The following AP1G1 variants were observed in gnomAD, a reference collection of about 807,000 sequenced individuals.
The protein encoded by AP1G1 is AP-1 complex subunit gamma-1.
In AP1G1, 7 loss-of-function variants were observed where a neutral mutation model predicts 108.3. The observed-to-expected ratio is 0.06, with a 90% CI of 0.04 to 0.12. AP1G1 has a LOEUF of 0.12. AP1G1 is among the 10% of genes least tolerant of loss of function. AP1G1 has a pLI of 1.00. For missense variants in AP1G1, 756 were observed against 1,010.7 expected (o/e 0.75, Z 3.42); for synonymous variants, 379 against 353.5 (o/e 1.07, Z -0.81).
rs1567639488 is a variant in AP1G1, at chr16:71,737,979, ATACT to A, written c.2268+959_2268+962del. ...AATAAAGACCAGATAGCAGCCTAAA[ATACT>A]TACTGTCTCATCTTTTTAAGAAAAA... On this transcript the variant is annotated intron_variant, in intron 21 of 22. Coordinates refer to ENST00000299980, the MANE Select transcript of AP1G1 (RefSeq NM_001128.6). 6.6e-5 allele frequency among the ~76,000 whole-genome samples: 10 copies of A among 152,394 alleles called. No individual in the cohort carries two copies. The South Asian group carries it at 1.9e-3, about 28-fold the overall frequency.
chr16:71,749,481 T>TA (rs58512452), intron 15 of AP1G1, among the ~76,000 whole-genome samples: 2,133 of 145,946 alleles, frequency 0.015, 37 homozygotes, highest in African/African-American at 0.047. Flanking sequence ...GAGACTCTAT[T>TA]AAAAAAAAAA....
chr16:71,745,699 A>C, intron 17 of AP1G1, 85 bp from the exon 18 acceptor site: 1 of 1,148,442 alleles, frequency 8.7e-7, no homozygotes, highest in Non-Finnish European at 1.3e-6. Flanking sequence ...TGTTGAGCCC[A>C]AGCATGGAGA....
At chr16:71,769,783 A>G (rs2031498273) in intron 5 of AP1G1, 84 bp from the exon 6 acceptor site, 2 of 1,138,814 alleles carry the variant, frequency 1.8e-6, no homozygotes, top group African/African-American at 1.5e-5. Context: ...CTGAAGGTCA[A>G]TTCCAAAAGG....
At chr16:71,763,106 G>A (rs1310245099) in intron 9 of AP1G1, among the ~76,000 whole-genome samples, 1 of 152,182 alleles carries the variant, frequency 6.6e-6, no homozygotes, top group African/African-American at 2.4e-5. Context: ...GGACATGATG[G>A]CTCACATTAC....
chr16:71,760,655 CCACCTCAGCCTCCTGAGTAG>C (rs1440896569), intron 10 of AP1G1, among the ~76,000 whole-genome samples: 1 of 152,102 alleles, frequency 6.6e-6, no homozygotes, highest in Non-Finnish European at 1.5e-5. Context: ...GGTGATCCTC[CCACCTCAGCCTCCTGAGTAG>C]CTGGGACTAC....
chr16:71,749,619 C>G (rs1430153565), intron 15 of AP1G1, among the ~76,000 whole-genome samples: 1 of 152,042 alleles, frequency 6.6e-6, no homozygotes, highest in East Asian at 1.9e-4. Context: ...GGGTCTCACT[C>G]CTGAGTAGCT....
chr16:71,778,637 C>G (rs569300050), intron 2 of AP1G1, among the ~76,000 whole-genome samples: 1 of 147,574 alleles, frequency 6.8e-6, no homozygotes, highest in Admixed American at 6.9e-5. Context: ...GAGCTGAGAT[C>G]GCGCCACTGC....
intron 2 of AP1G1, among the ~76,000 whole-genome samples, chr16:71,782,249 C>T (rs1446236523): frequency 3.3e-5 from 5 of 152,124 alleles, no homozygotes; most frequent in South Asian, 2.1e-4. Context: ...CTGCAACCTC[C>T]GCCTCCCAGG....
At chr16:71,774,273 G>T (rs904408293) in intron 3 of AP1G1, 195 bp downstream of exon 3, 2 of 549,602 alleles carry the variant, frequency 3.6e-6, no homozygotes, top group South Asian at 5.2e-5. Context: ...AGCTACGCAG[G>T]AGGCTGAGGC....
intron 2 of AP1G1, among the ~76,000 whole-genome samples, chr16:71,786,746 A>T (rs2032217620): frequency 1.3e-5 from 2 of 152,014 alleles, no homozygotes; most frequent in African/African-American, 4.8e-5. Flanking sequence ...GGCGTGAGCC[A>T]CCGCACCCAG....
At chr16:71,734,505 C>T (rs992961770) in intron 22 of AP1G1, 104 bp downstream of exon 22, 77 of 926,756 alleles carry the variant, frequency 8.3e-5, no homozygotes, top group South Asian at 5.8e-4. Flanking sequence ...TTGATCTCTT[C>T]TCTAACTATG....
At chr16:71,758,720 T>A in intron 11 of AP1G1, 88 bp downstream of exon 11, 1 of 738,760 alleles carries the variant, frequency 1.4e-6, no homozygotes, top group South Asian at 1.7e-5. Context: ...GAAAACAAAG[T>A]ATCACATGGC....
intron 13 of AP1G1, chr16:71,753,529 T>C (rs1597047931): frequency 3.3e-6 from 1 of 306,106 alleles, no homozygotes; most frequent in East Asian, 7.3e-5. Flanking sequence ...TTCCTCACGA[T>C]CTCTGCATGG....
chr16:71,783,082 T>C (rs1567658854), intron 2 of AP1G1, among the ~76,000 whole-genome samples: 1 of 150,462 alleles, frequency 6.6e-6, no homozygotes, highest in East Asian at 1.9e-4. Context: ...AAGTACTTTA[T>C]TTTAAGAAAA....
chr16:71,769,676 G>A lies in AP1G1; in HGVS notation c.589C>T (p.Leu197Phe), dbSNP rs991441174. 6.2e-7 allele frequency: 1 copy of A among 1,613,370 alleles called. No individual in the cohort carries two copies. The highest frequency in any genetic ancestry group is 8.5e-7 in the Non-Finnish European group (1 of 1,179,626). The change falls in exon 6 of 23, where the codon CTC (leucine) becomes TTC (phenylalanine). Residue 197 changes from leucine (L) to phenylalanine (F), a missense_variant. Around this residue, in one of 3 missense-constraint regions of AP1G1, gnomAD observed 304 missense variants for 483.6 expected, o/e 0.63. Transcript: ENST00000299980. ...CTTCGCTCACACATTTCTGTGAGGA[G>A]GACTACAGATGTGTGGAGGACACCT... ...NHGVLHTSVV[L>F]LTEMCERSPD...
chr16:71,800,420 A>C (rs1026069804), intron 1 of AP1G1, among the ~76,000 whole-genome samples: 41 of 144,978 alleles, frequency 2.8e-4, no homozygotes, highest in African/African-American at 7.8e-5. Flanking sequence ...GGTGGCTCAC[A>C]CCTGTAATCC....
intron 21 of AP1G1, among the ~76,000 whole-genome samples, chr16:71,737,443 C>G (rs1364339793): frequency 2.0e-5 from 3 of 152,174 alleles, no homozygotes; most frequent in Non-Finnish European, 2.9e-5. Flanking sequence ...ACCATTGCAC[C>G]TGGCTAATTT....
Position 71,764,467 on chromosome 16 carries a change from G to A in AP1G1, c.820-19C>T, listed in dbSNP as rs2031232362. On this transcript the variant is annotated intron_variant, in intron 8 of 22. Transcript: ENST00000299980. ...TGGCAACCTGAAAAGACATATCGAG[G>A]GCAGTACATAAGTGATAAAAACAAT... 1.3e-6 allele frequency: 2 copies of A among 1,514,912 alleles called. No individual in the cohort carries two copies. Among genetic ancestry groups the A allele is most frequent in the Non-Finnish European group, 1.8e-6 (2 of 1,096,056 alleles). The allele number at this position is 1,514,912 out of a possible 1,614,324, so 93.8% of individuals were successfully genotyped here.
rs1230173162 is a variant in AP1G1 at position 71,729,295 on chromosome 16, TAAGA to T, written c.*3759_*3762del. The T allele has an allele frequency of 6.6e-6, 1 of 152,086 alleles. No individual in the cohort carries two copies. Among genetic ancestry groups the T allele is most frequent in the East Asian group, 1.9e-4 (1 of 5,178 alleles). The allele number at this position is 152,086 out of a possible 1,614,324, so 9.4% of individuals were successfully genotyped here. On this transcript the variant is annotated 3_prime_UTR_variant, in exon 23 of 23. Transcript: ENST00000299980. Reference sequence around the variant, plus strand: ...ATAATGAAAATGTAACTTACAACACTAAGAAAGAAAAGGGCCTTTATAGGAACAC... The same window carrying T: ...ATAATGAAAATGTAACTTACAACACTAAGAAAAGGGCCTTTATAGGAACAC...
Sources: allele counts gnomAD v4.1 joint callset (sites outside exome capture counted in the v4.1 genomes callset), GRCh38; gene constraint gnomAD v4.1.1; regional missense constraint gnomAD v4.1.1; transcripts MANE v1.5; gene names NCBI Gene and HGNC (gene_info 2026-07-23, HGNC 2026-07-21).